The following SARM1 variants were observed in gnomAD, a reference collection of about 807,000 sequenced individuals.
SARM1 encodes the protein NAD(+) hydrolase SARM1.
Under a neutral mutation model 65.1 loss-of-function variants are expected in SARM1, and 60 were observed. The ratio of observed to expected loss-of-function variants is 0.92; its 90% CI spans 0.75 to 1.14. The LOEUF (loss-of-function observed/expected upper bound fraction) is 1.14. Ranked by LOEUF, SARM1 falls within the 50% of genes most tolerant of loss-of-function variation. SARM1 has a pLI of 0.00. For missense variants in SARM1, 913 were observed against 1,015.7 expected (o/e 0.90, Z 1.37); for synonymous variants, 417 against 465.4 (o/e 0.90, Z 1.34).
Position 28,396,606 on chromosome 17 carries a change from T to G in SARM1, c.*320T>G. The G allele has an allele frequency of 1.6e-5, 5 of 319,948 alleles. No individual in the cohort carries two copies. Among genetic ancestry groups the G allele is most frequent in the East Asian group, 6.2e-5 (1 of 16,040 alleles). 19.8% of individuals were successfully genotyped at this position (319,948 alleles called of 1,614,324 possible). ...GAGTTGGGGTGGGGGTGGTTCTGCA[T>G]TCCCTTCTCCTGCTGATAGCAGTCA... On this transcript the variant is annotated 3_prime_UTR_variant, in exon 9 of 9. Transcript: ENST00000585482.
At chr17:28,395,688 A>C (rs1339748907) in intron 7 of SARM1, 4 of 541,340 alleles carry the variant, frequency 7.4e-6, no homozygotes, top group Non-Finnish European at 1.3e-5. Flanking sequence ...AGAGATTCCA[A>C]GGGTTTTAGC....
chr17:28,381,596 G>T lies in SARM1; in HGVS notation c.864G>T (p.Glu288Asp). 6.3e-7 allele frequency: 1 copy of T among 1,588,736 alleles called. No individual in the cohort carries two copies. ...ATNKEVEREV[E>D]RSGTLALVEP... Reference sequence around the variant, plus strand: ...ACAAGGAGGTGGAGCGCGAGGTGGAGCGCTCGGGCACGCTGGCGCTCGTGG... The same window carrying T: ...ACAAGGAGGTGGAGCGCGAGGTGGATCGCTCGGGCACGCTGGCGCTCGTGG... Residue 288 changes from glutamate to aspartate, a missense_variant, in exon 2 of 9, where the codon GAG (glutamate) becomes GAT (aspartate). By Grantham distance (45) the Glu-to-Asp change is conservative (BLOSUM62 2). Coordinates refer to ENST00000585482, the MANE Select transcript of SARM1 (RefSeq NM_015077.4).
At chr17:28,373,991 G>C (rs1255866319) in intron 1 of SARM1, 9 of 152,306 alleles carry the variant, frequency 5.9e-5, no homozygotes, top group Admixed American at 4.6e-4. Context: ...TCCCCGCCAG[G>C]CGCCGTGGCT....
Position 28,399,562 on chromosome 17 carries a change from T to C in SARM1, c.*3276T>C, listed in dbSNP as rs781994095. ...AGCACTGCCCTTAGACAAGAGTTGC[T>C]TGTCCTGCTGTGGGCTGGGCTTCCA... On this transcript the variant is annotated 3_prime_UTR_variant, in exon 9 of 9. Transcript: ENST00000585482. The C allele has an allele frequency of 7.5e-7, 1 of 1,332,874 alleles. No homozygotes were observed. The highest frequency in any genetic ancestry group is 1.1e-6 in the Non-Finnish European group (1 of 934,006). The allele number at this position is 1,332,874 out of a possible 1,614,324, so 82.6% of individuals were successfully genotyped here. A position where few individuals can be genotyped will look rare whatever the true frequency, so the allele number is the denominator to read the frequency against.
At position 28,381,811 on chromosome 17, in the gene SARM1, G is replaced by A. The variant is rs1427817559; in HGVS notation, c.1079G>A (p.Gly360Asp). ...CAEAAIKSLQGKTKVFSDIGA... is the reference protein window; with the variant it reads ...CAEAAIKSLQDKTKVFSDIGA... ...GAGGCTGCCATCAAGAGCCTGCAAG[G>A]CAAGACCAAGGTGGGTGCAGATGTG... Residue 360 changes from glycine (G) to aspartate (D), a missense_variant, in exon 2 of 9, where the codon GGC becomes GAC. Gly to Asp is a moderately conservative substitution (Grantham distance 94, BLOSUM62 -1). Transcript: ENST00000585482. 3 of 1,448,304 alleles carry A rather than the reference G, an allele frequency of 2.1e-6. No homozygotes were observed. The highest frequency in any genetic ancestry group is 2.7e-6 in the Non-Finnish European group (3 of 1,099,670). 89.7% of individuals were successfully genotyped at this position (1,448,304 alleles called of 1,614,324 possible). A position where few individuals can be genotyped will look rare whatever the true frequency, so the allele number is the denominator to read the frequency against.
At chr17:28,378,885 C>T (rs1555584873) in intron 1 of SARM1, among the ~76,000 whole-genome samples, 1 of 152,042 alleles carries the variant, frequency 6.6e-6, no homozygotes, top group African/African-American at 2.4e-5. Flanking sequence ...TGTCCAGGTT[C>T]GTGTTGCTGT....
chr17:28,383,609 C>T (rs1368831909), intron 2 of SARM1, among the ~76,000 whole-genome samples: 2 of 152,218 alleles, frequency 1.3e-5, no homozygotes, highest in Admixed American at 1.3e-4. Flanking sequence ...CCTGTCACCC[C>T]TTTCCCATCG....
chr17:28,400,908 G>A lies in SARM1; in HGVS notation c.*4622G>A. Reference sequence around the variant, plus strand: ...TCACCAGTAAATCCTGCTACATCATGTACTGTGACAAGGATTCAGTAAGGT... The same window carrying A: ...TCACCAGTAAATCCTGCTACATCATATACTGTGACAAGGATTCAGTAAGGT... On this transcript the variant is annotated 3_prime_UTR_variant, in exon 9 of 9. Transcript: ENST00000585482. The A allele has an allele frequency of 1.3e-6, 1 of 758,920 alleles. No homozygotes were observed. The highest frequency in any genetic ancestry group is 1.5e-5 in the South Asian group (1 of 65,918). The allele number at this position is 758,920 out of a possible 1,614,324, so 47.0% of individuals were successfully genotyped here. A position where few individuals can be genotyped will look rare whatever the true frequency, so the allele number is the denominator to read the frequency against.
At chr17:28,391,707 CAA>C (rs1206857097) in intron 7 of SARM1, among the ~76,000 whole-genome samples, 13 of 56,796 alleles carry the variant, frequency 2.3e-4, no homozygotes, top group African/African-American at 4.5e-4. Flanking sequence ...GCAATTGCAC[CAA>C]AAAAAAAAAA....
chr17:28,389,469 G>A (rs1289096107), intron 7 of SARM1, among the ~76,000 whole-genome samples: 4 of 152,176 alleles, frequency 2.6e-5, no homozygotes, highest in Non-Finnish European at 4.4e-5. Flanking sequence ...TTGATGGATA[G>A]CTCCATATTG....
intron 1 of SARM1, among the ~76,000 whole-genome samples, chr17:28,375,611 A>T (rs1305847317): frequency 6.6e-6 from 1 of 151,914 alleles, no homozygotes; most frequent in Admixed American, 6.6e-5. Flanking sequence ...AAAAAAAAAA[A>T]AAATCACGAA....
At chr17:28,392,831 G>A (rs2068087576) in intron 7 of SARM1, among the ~76,000 whole-genome samples, 1 of 152,094 alleles carries the variant, frequency 6.6e-6, no homozygotes, top group African/African-American at 2.4e-5. Context: ...AGAGGTGAGA[G>A]GAGCCTTTGT....
Position 28,400,499 on chromosome 17 carries a change from C to G in SARM1, c.*4213C>G. 1 of 1,442,476 alleles carries G rather than the reference C, an allele frequency of 6.9e-7. No homozygotes were observed. The highest frequency in any genetic ancestry group is 9.4e-7 in the Non-Finnish European group (1 of 1,067,904). The allele number at this position is 1,442,476 out of a possible 1,614,324, so 89.4% of individuals were successfully genotyped here. On this transcript the variant is annotated 3_prime_UTR_variant, in exon 9 of 9. Coordinates refer to ENST00000585482, the MANE Select transcript of SARM1 (RefSeq NM_015077.4). Reference sequence around the variant, plus strand: ...GAGGGGCAACCTGGGACAAGACACCCAGAGGGTAAGGATTCCAGGAATGAA... The same window carrying G: ...GAGGGGCAACCTGGGACAAGACACCGAGAGGGTAAGGATTCCAGGAATGAA...
In SARM1 at chr17:28,395,907, G is replaced by T; in HGVS notation, c.1926G>T (p.Glu642Asp). 1.2e-6 allele frequency: 2 copies of T among 1,613,812 alleles called. No homozygotes were observed. Among genetic ancestry groups the T allele is most frequent in the Non-Finnish European group, 8.5e-7 (1 of 1,179,878 alleles). Residue 642 changes from glutamate to aspartate, a missense_variant and splice_region_variant, in exon 8 of 9, where the codon GAG becomes GAT. Transcript: ENST00000585482. ...DHDCKDWVHK[E>D]IVTALSCGKN... Reference sequence around the variant, plus strand: ...CCTCCTTTCCTTTCTTTCTCCAGGAGATTGTGACTGCTTTAAGCTGCGGCA... The same window carrying T: ...CCTCCTTTCCTTTCTTTCTCCAGGATATTGTGACTGCTTTAAGCTGCGGCA...
In SARM1 at chr17:28,380,706, C is replaced by A. The variant is rs529828007; in HGVS notation, c.471-497C>A. 2.6e-5 allele frequency among the ~76,000 whole-genome samples: 4 copies of A among 151,800 alleles called. No individual in the cohort carries two copies. The South Asian group carries it at 8.3e-4, about 32-fold the overall frequency. On this transcript the variant is annotated intron_variant, in intron 1 of 8. Coordinates refer to ENST00000585482, the MANE Select transcript of SARM1 (RefSeq NM_015077.4). ...CTTCAAGTGACACTTCAAATTAGGA[C>A]AAGTTAATATTTGTTGAGTTTTTAC...
Position 28,384,987 on chromosome 17 carries a change from C to T in SARM1, c.1395-53C>T, listed in dbSNP as rs925507449. 28 of 1,603,756 alleles carry T rather than the reference C, an allele frequency of 1.7e-5. No homozygotes were observed. The South Asian group carries it at 1.8e-4, about 10-fold the overall frequency. On this transcript the variant is annotated intron_variant, in intron 4 of 8. Coordinates refer to ENST00000585482, the MANE Select transcript of SARM1 (RefSeq NM_015077.4). The surrounding 1 kb of genome is among the most constrained non-coding windows in gnomAD (Gnocchi z 4.4). ...TAGGTCTAAATAAGCTCCCCCTCCG[C>T]CCACAGCCCGTCCGAGTCTGGACCT... is the stretch of plus-strand genomic sequence containing the variant.
Position 28,384,539 on chromosome 17 carries a change from C to T in SARM1, c.1272C>T (p.Ile424=). 1 of 1,611,588 alleles carries T rather than the reference C, an allele frequency of 6.2e-7. No homozygotes were observed. The highest frequency in any genetic ancestry group is 2.2e-5 in the East Asian group (1 of 44,820). The change falls in exon 3 of 9, where the codon ATC becomes ATT. Residue 424 remains isoleucine (I), a synonymous_variant. Transcript: ENST00000585482. The surrounding 1 kb of genome is among the most constrained non-coding windows in gnomAD (Gnocchi z 4.4). ...EAEVQTWLQQ[I]GFSKYCESFR... ...AGGTTCAGACGTGGCTGCAGCAGAT[C>T]GGTTTCTCCAAGTACTGCGAGAGCT...
rs1315276748 is a variant in SARM1, at chr17:28,403,344, T to C, written c.*7058T>C. The C allele has an allele frequency of 1.3e-5, 2 of 152,332 alleles. No homozygotes were observed. The highest frequency in any genetic ancestry group is 1.3e-4 in the Admixed American group (2 of 15,284). 9.4% of individuals were successfully genotyped at this position (152,332 alleles called of 1,614,324 possible). A position where few individuals can be genotyped will look rare whatever the true frequency, so the allele number is the denominator to read the frequency against. On this transcript the variant is annotated 3_prime_UTR_variant, in exon 9 of 9. Transcript: ENST00000585482. The stretch of plus-strand genomic sequence containing the variant: ...CAGCAAATGGGAGTTCCTTTTCCCT[T>C]TGCATTCAGTTACTTACAGGCTTCC...
chr17:28,381,136 C>T, intron 1 of SARM1, 67 bp from the exon 2 acceptor site: 1 of 1,513,046 alleles, frequency 6.6e-7, no homozygotes. Flanking sequence ...GACCAGGCCC[C>T]AAACGGGCAA....
Sources: gnomAD v4.1 joint callset for allele counts (sites outside exome capture counted in the v4.1 genomes callset) on GRCh38, gnomAD v4.1.1 for gene constraint, Gnocchi (gnomAD v3.1) non-coding constraint, MANE v1.5 for transcripts, NCBI Gene and HGNC (gene_info 2026-07-23, HGNC 2026-07-21) for gene names.